P4HB: variants seen among roughly 807,000 people sequenced by gnomAD.
P4HB encodes the protein protein disulfide-isomerase.
Under a neutral mutation model 52.6 loss-of-function variants are expected in P4HB, and 20 were observed. That is an observed-to-expected ratio of 0.38 (90% CI 0.27 to 0.55). The LOEUF (loss-of-function observed/expected upper bound fraction) is 0.55. Ranked by LOEUF, P4HB falls within the 20% of genes least tolerant of loss-of-function variation. The pLI, the probability that P4HB is intolerant of heterozygous loss-of-function variation, is 0.74. For missense variants in P4HB, 601 were observed against 669.2 expected, an observed-to-expected ratio of 0.90 and a Z score of 1.12; for synonymous variants, 296 against 277.9, an observed-to-expected ratio of 1.07 and a Z score of -0.65.
chr17:81,858,914 C>T, intron 2 of P4HB: 5 of 472,694 alleles, frequency 1.1e-5, no homozygotes, highest in Non-Finnish European at 1.5e-5. Context: ...CCTCTCCTCG[C>T]TGGTCAGTCT....
chr17:81,858,149 G>A (rs905647001), intron 2 of P4HB, among the ~76,000 whole-genome samples: 1 of 150,234 alleles, frequency 6.7e-6, no homozygotes, highest in Non-Finnish European at 1.5e-5. Flanking sequence ...GTGCACACCT[G>A]TAGCCCCAGC....
At chr17:81,851,592 G>A (rs1200755422) in intron 4 of P4HB, among the ~76,000 whole-genome samples, 1 of 152,206 alleles carries the variant, frequency 6.6e-6, no homozygotes, top group East Asian at 1.9e-4. Context: ...GCACGGGTGG[G>A]CTCGCACTGT....
At chr17:81,858,780 G>A (rs992247228) in intron 2 of P4HB, 8 of 204,800 alleles carry the variant, frequency 3.9e-5, no homozygotes, top group East Asian at 1.3e-4. Flanking sequence ...AGCACGTGAC[G>A]CGGCAGCTGG....
At chr17:81,851,735 A>G (rs2038834392) in intron 4 of P4HB, among the ~76,000 whole-genome samples, 1 of 152,330 alleles carries the variant, frequency 6.6e-6, no homozygotes, top group South Asian at 2.1e-4. Context: ...AGGAGGAGAC[A>G]CTGCCGCAGC....
chr17:81,851,341 C>T (rs1214378963), intron 4 of P4HB, among the ~76,000 whole-genome samples: 2 of 152,258 alleles, frequency 1.3e-5, no homozygotes, highest in Non-Finnish European at 2.9e-5. Flanking sequence ...CCACTCCCTG[C>T]TCTTGTGCAC....
Position 81,843,810 on chromosome 17 carries a change from C to T in P4HB, c.*202G>A. 1.6e-6 allele frequency: 1 copy of T among 610,388 alleles called. No homozygotes were observed. The highest frequency in any genetic ancestry group is 2.9e-6 in the Non-Finnish European group (1 of 343,052). 37.8% of individuals were successfully genotyped at this position (610,388 alleles called of 1,614,324 possible). A position where few individuals can be genotyped will look rare whatever the true frequency, so the allele number is the denominator to read the frequency against. ...CAGGGTGGGCTGCCTGGAGATGGAT[C>T]CCTTTCCAAAAACCGAAAAGCAGAA... On this transcript the variant is annotated 3_prime_UTR_variant, in exon 11 of 11. Transcript: ENST00000331483.
rs2038686801 is a variant in P4HB, at chr17:81,843,634, A to C, written c.*378T>G. ...GGTGGAACAAATACCCTGATGTCGA[A>C]AAATGTCTAAAAATCCCACAGACGG... On this transcript the variant is annotated 3_prime_UTR_variant, in exon 11 of 11. Coordinates refer to ENST00000331483, the MANE Select transcript of P4HB (RefSeq NM_000918.4). 2.2e-6 allele frequency: 1 copy of C among 464,500 alleles called. No individual in the cohort carries two copies. Among genetic ancestry groups the C allele is most frequent in the Non-Finnish European group, 3.8e-6 (1 of 264,356 alleles). 28.8% of individuals were successfully genotyped at this position (464,500 alleles called of 1,614,324 possible). A position where few individuals can be genotyped will look rare whatever the true frequency, so the allele number is the denominator to read the frequency against.
intron 1 of P4HB, chr17:81,859,758 G>A (rs1028562046): frequency 3.2e-6 from 1 of 312,070 alleles, no homozygotes; most frequent in Non-Finnish European, 6.2e-6. Flanking sequence ...TGACCGTGGC[G>A]GCCTGTACCA....
Position 81,860,428 on chromosome 17 carries a change from A to C in P4HB, c.44T>G (p.Val15Gly), listed in dbSNP as rs1474546738. ...ALLCLAVAAL[V>G]RADAPEEEDH... ...CTCCTCCTCGGGGGCGTCGGCGCGC[A>C]CCAGGGCGGCCACGGCCAGGCACAG... The change falls in exon 1 of 11, where the codon GTG becomes GGG. Residue 15 changes from valine (V) to glycine (G), a missense_variant. By Grantham distance (109) the Val-to-Gly change is moderately radical. Coordinates refer to ENST00000331483, the MANE Select transcript of P4HB (RefSeq NM_000918.4). 4 of 1,419,604 alleles carry C rather than the reference A, an allele frequency of 2.8e-6. No homozygotes were observed. Among genetic ancestry groups the C allele is most frequent in the Non-Finnish European group, 3.7e-6 (4 of 1,082,580 alleles). The allele number at this position is 1,419,604 out of a possible 1,614,324, so 87.9% of individuals were successfully genotyped here. A position where few individuals can be genotyped will look rare whatever the true frequency, so the allele number is the denominator to read the frequency against.
intron 4 of P4HB, 98 bp from the exon 5 acceptor site, chr17:81,847,445 G>A: frequency 1.0e-6 from 1 of 983,886 alleles, no homozygotes; most frequent in Non-Finnish European, 1.6e-6. Context: ...GCAGCCAGCA[G>A]CCCTGCCCTC....
intron 1 of P4HB, 85 bp downstream of exon 1, chr17:81,860,242 C>T (rs924018209): frequency 3.2e-5 from 38 of 1,172,834 alleles, no homozygotes; most frequent in Non-Finnish European, 3.9e-5. Context: ...GGTCCCGACC[C>T]CGGGGGCTGC....
chr17:81,855,101 C>A lies in P4HB; in HGVS notation c.624+41G>T. 3 of 1,609,122 alleles carry A rather than the reference C, an allele frequency of 1.9e-6. No individual in the cohort carries two copies. In the South Asian group the frequency reaches 3.3e-5, roughly 18 times the overall value. ...AGCAACGCCACCCTCTGCAGACCAA[C>A]CCCAGAACTAACCTGGGCAGAGCTG... On this transcript the variant is annotated intron_variant, in intron 4 of 10. Coordinates refer to ENST00000331483, the MANE Select transcript of P4HB (RefSeq NM_000918.4). The surrounding 1 kb of genome is among the most constrained non-coding windows in gnomAD (Gnocchi z 4.3).
chr17:81,844,272 T>G (rs2038698881), intron 10 of P4HB, among the ~76,000 whole-genome samples, 180 bp from the exon 11 acceptor site: 1 of 152,030 alleles, frequency 6.6e-6, no homozygotes. Flanking sequence ...CCAGGAAGAG[T>G]GACGCCTGGG....
At chr17:81,858,238 C>CTTCAGCCTG (rs111460757) in intron 2 of P4HB, among the ~76,000 whole-genome samples, 7 of 119,262 alleles carry the variant, frequency 5.9e-5, no homozygotes, top group African/African-American at 1.7e-4. Flanking sequence ...CACCACTGCA[C>CTTCAGCCTG]GACAGAGCGA....
intron 10 of P4HB, 125 bp downstream of exon 10, chr17:81,845,019 C>G: frequency 1.3e-6 from 1 of 796,126 alleles, no homozygotes; most frequent in South Asian, 1.6e-5. Flanking sequence ...GGCCCCAGAG[C>G]CCTGGACGCA....
rs2038743465 is a variant in P4HB, at chr17:81,846,869, G to T, written c.855+78C>A. 3 of 1,559,334 alleles carry T rather than the reference G, an allele frequency of 1.9e-6. No individual in the cohort carries two copies. In the East Asian group the frequency reaches 6.7e-5, roughly 35 times the overall value. On this transcript the variant is annotated intron_variant, in intron 6 of 10. Transcript: ENST00000331483. This position sits in a 1 kb window ranked among gnomAD's most constrained non-coding sequence, Gnocchi z 5.7. ...CAGTCCAGCAGGCAGCCTCAGGAAG[G>T]CCCCACACTTGTCACCTCGGGAAGA...
chr17:81,852,101 T>C (rs2038840974), intron 4 of P4HB, among the ~76,000 whole-genome samples: 1 of 152,158 alleles, frequency 6.6e-6, no homozygotes, highest in African/African-American at 2.4e-5. Flanking sequence ...GAGGACTGCT[T>C]GAGCCCAGGA....
chr17:81,855,299 C>A lies in P4HB; in HGVS notation c.487-20G>T. 1 of 1,613,464 alleles carries A rather than the reference C, an allele frequency of 6.2e-7. No homozygotes were observed. Among genetic ancestry groups the A allele is most frequent in the Admixed American group, 1.7e-5 (1 of 59,998 alleles). On this transcript the variant is annotated intron_variant, in intron 3 of 10. Coordinates refer to ENST00000331483, the MANE Select transcript of P4HB (RefSeq NM_000918.4). The surrounding 1 kb of genome is among the most constrained non-coding windows in gnomAD (Gnocchi z 4.3). ...CACGTCCTGAATGAGGAGGGAGAAG[C>A]AGAGGTCGTCATGATCCCGCAGCAC... is the stretch of plus-strand genomic sequence containing the variant.
chr17:81,859,496 A>G lies in P4HB; in HGVS notation c.146-109T>C, dbSNP rs1489708369. ...TGGCATTTCCCTTCATAAAAACCTT[A>G]TCTACTCACCAAGATAACCCCTCCT... On this transcript the variant is annotated intron_variant, in intron 1 of 10. Transcript: ENST00000331483. The G allele has an allele frequency of 3.2e-6, 3 of 951,822 alleles. No individual in the cohort carries two copies. In the East Asian group the frequency reaches 7.3e-5, roughly 23 times the overall value. The allele number at this position is 951,822 out of a possible 1,614,324, so 59.0% of individuals were successfully genotyped here. A position where few individuals can be genotyped will look rare whatever the true frequency, so the allele number is the denominator to read the frequency against.
Sources: gnomAD v4.1 joint callset for allele counts (sites outside exome capture counted in the v4.1 genomes callset) on GRCh38, gnomAD v4.1.1 for gene constraint, Gnocchi (gnomAD v3.1) non-coding constraint, MANE v1.5 for transcripts, NCBI Gene and HGNC (gene_info 2026-07-23, HGNC 2026-07-21) for gene names.